Variants in ATAD2B observed in about 807,000 individuals in gnomAD.
ATAD2B encodes the protein ATPase family AAA domain-containing protein 2B.
In ATAD2B, 40 loss-of-function variants were observed where a neutral mutation model predicts 167.6. That is an observed-to-expected ratio of 0.24 (90% CI 0.19 to 0.31). ATAD2B has a LOEUF of 0.31. Ranked by LOEUF, ATAD2B falls within the 10% of genes least tolerant of loss-of-function variation. ATAD2B has a pLI of 1.00. For missense variants in ATAD2B, 1,242 were observed against 1,757.2 expected (o/e 0.71, Z 5.24); for synonymous variants, 579 against 596.5 (o/e 0.97, Z 0.43).
chr2:23,792,129 C>G (rs377349539), intron 19 of ATAD2B, among the ~76,000 whole-genome samples: 60 of 150,798 alleles, frequency 4.0e-4, no homozygotes, highest in African/African-American at 1.4e-3. Context: ...GTGGTGCAAT[C>G]TCGGCTCACT....
intron 22 of ATAD2B, among the ~76,000 whole-genome samples, chr2:23,771,374 T>C (rs1418703198): frequency 6.6e-6 from 1 of 152,248 alleles, no homozygotes; most frequent in Non-Finnish European, 1.5e-5. Context: ...GTCATGTTTC[T>C]GATCTTAAGG....
chr2:23,775,434 G>A (rs1432718777), intron 22 of ATAD2B, among the ~76,000 whole-genome samples: 1 of 151,960 alleles, frequency 6.6e-6, no homozygotes, highest in African/African-American at 2.4e-5. Context: ...GGATGGTCTC[G>A]ATCTCTTGCC....
rs574245520 is a variant in ATAD2B at position 23,772,161 on chromosome 2, G to A, written c.3134-6533C>T. On this transcript the variant is annotated intron_variant, in intron 22 of 27. Coordinates refer to ENST00000238789, the MANE Select transcript of ATAD2B (RefSeq NM_017552.4). ...TTTTTTCATTGTGTCATGTGAGGGG[G>A]TAAATAAATCGAGTCCCTTTTACTT... Among the ~76,000 whole-genome samples the A allele has an allele frequency of 2.0e-5, 3 of 152,136 alleles. No homozygotes were observed. The East Asian group carries it at 5.8e-4, about 29-fold the overall frequency.
At chr2:23,814,879 C>T (rs889442067) in intron 17 of ATAD2B, among the ~76,000 whole-genome samples, 1 of 151,576 alleles carries the variant, frequency 6.6e-6, no homozygotes, top group Non-Finnish European at 1.5e-5. Flanking sequence ...ATGGTGAAAC[C>T]CTGACTCTAC....
chr2:23,696,055 T>C, the ATAD2B span: 1 of 1,551,800 alleles, frequency 6.4e-7, no homozygotes, highest in Non-Finnish European at 8.7e-7. This position sits in a 1 kb window ranked among gnomAD's most constrained non-coding sequence, Gnocchi z 5.5. Context: ...CAACAAGTGG[T>C]ACCCCTTGGC....
At chr2:23,689,474 C>T in the ATAD2B span, 1 of 152,520 alleles carries the variant, frequency 6.6e-6, no homozygotes, top group Non-Finnish European at 1.5e-5. Flanking sequence ...CACCCCTCCC[C>T]ACCGGGGGAC....
chr2:23,756,888 A>C (rs1343121712), intron 25 of ATAD2B, among the ~76,000 whole-genome samples: 1 of 152,182 alleles, frequency 6.6e-6, no homozygotes, highest in African/African-American at 2.4e-5. Context: ...ACCATTCTGA[A>C]GTTGAATTTC....
chr2:23,892,728 C>T (rs1036470188), intron 2 of ATAD2B, among the ~76,000 whole-genome samples: 8 of 152,150 alleles, frequency 5.3e-5, no homozygotes, highest in African/African-American at 1.9e-4. Flanking sequence ...CCTTGGCCTC[C>T]CAAAGTGCTG....
chr2:23,875,970 G>A (rs1696759660), intron 7 of ATAD2B, 66 bp from the exon 8 acceptor site: 2 of 1,193,206 alleles, frequency 1.7e-6, no homozygotes, highest in African/African-American at 3.1e-5. Context: ...TATTAAAGGA[G>A]TAGAAATGAC....
the ATAD2B span, among the ~76,000 whole-genome samples, chr2:23,721,937 T>C: frequency 6.6e-6 from 1 of 152,364 alleles, no homozygotes; most frequent in African/African-American, 2.4e-5. Flanking sequence ...TGGGCCACTA[T>C]TGCCACAAAC....
intron 19 of ATAD2B, among the ~76,000 whole-genome samples, chr2:23,789,706 C>A (rs770890729): frequency 2.8e-4 from 43 of 152,152 alleles, no homozygotes; most frequent in Admixed American, 5.2e-4. Context: ...TTTGTCATTT[C>A]TAACCACTTA....
intron 2 of ATAD2B, among the ~76,000 whole-genome samples, chr2:23,890,560 C>A (rs114949808): frequency 5.3e-5 from 8 of 152,254 alleles, no homozygotes; most frequent in African/African-American, 1.9e-4. Context: ...ACAGAAAAAC[C>A]AACTTTATTA....
At position 23,782,992 on chromosome 2, in the gene ATAD2B, C is replaced by A; in HGVS notation, c.3010G>T (p.Asp1004Tyr). 6.4e-7 allele frequency: 1 copy of A among 1,561,610 alleles called. No individual in the cohort carries two copies. The highest frequency in any genetic ancestry group is 1.1e-5 in the South Asian group (1 of 88,650). ...ATTTTAGTTATTACTGTTGATAAGT[C>A]CATTGGTTCCTTGATTACTTCAAGA... ...DYLEVIKEPMDLSTVITKIDK... is the reference protein window; with the variant it reads ...DYLEVIKEPMYLSTVITKIDK... The change falls in exon 22 of 28, where the codon GAC becomes TAC. Residue 1004 changes from aspartate (D) to tyrosine (Y), a missense_variant. This residue lies in a region of ATAD2B where 204 missense variants were observed against 324.0 expected (regional missense o/e 0.63). Transcript: ENST00000238789.
the ATAD2B span, among the ~76,000 whole-genome samples, chr2:23,724,547 C>G: frequency 4.6e-5 from 7 of 152,020 alleles, no homozygotes; most frequent in Non-Finnish European, 1.0e-4. Flanking sequence ...ACTGAAATCA[C>G]AACAGGAAAG....
chr2:23,899,100 A>C (rs1042120507), intron 1 of ATAD2B, among the ~76,000 whole-genome samples: 1 of 152,014 alleles, frequency 6.6e-6, no homozygotes, highest in Non-Finnish European at 1.5e-5. Flanking sequence ...GTGAGCTGAG[A>C]TCATGCCATT....
chr2:23,908,015 A>C (rs1701740515), intron 1 of ATAD2B, among the ~76,000 whole-genome samples: 1 of 152,162 alleles, frequency 6.6e-6, no homozygotes, highest in African/African-American at 2.4e-5. Flanking sequence ...CTTAAGCGTT[A>C]GACCTAAAAC....
chr2:23,737,679 C>T, the ATAD2B span, among the ~76,000 whole-genome samples: 8 of 152,256 alleles, frequency 5.3e-5, no homozygotes, highest in East Asian at 1.9e-4. Flanking sequence ...TCACTAGCAA[C>T]GGAACAAAGC....
chr2:23,737,235 C>T, the ATAD2B span, among the ~76,000 whole-genome samples: 9 of 152,294 alleles, frequency 5.9e-5, no homozygotes, highest in South Asian at 2.1e-4. Context: ...GATCTGAGAA[C>T]GGGCAGACTG....
At chr2:23,719,259 T>C in the ATAD2B span, among the ~76,000 whole-genome samples, 1 of 152,086 alleles carries the variant, frequency 6.6e-6, no homozygotes, top group African/African-American at 2.4e-5. Flanking sequence ...CAGAACAGCA[T>C]AAAGAATATT....
Sources: gnomAD v4.1 joint callset for allele counts (sites outside exome capture counted in the v4.1 genomes callset) on GRCh38, gnomAD v4.1.1 for gene constraint, gnomAD v4.1.1 regional missense constraint, Gnocchi (gnomAD v3.1) non-coding constraint, MANE v1.5 for transcripts, NCBI Gene and HGNC (gene_info 2026-07-23, HGNC 2026-07-21) for gene names.